CHCHD5: variants seen among roughly 807,000 people sequenced by gnomAD.
CHCHD5 encodes the protein coiled-coil-helix-coiled-coil-helix domain-containing protein 5.
A neutral mutation model predicts 16.0 loss-of-function variants in CHCHD5; 10 were observed. The ratio of observed to expected loss-of-function variants is 0.63; its 90% CI spans 0.39 to 1.06. The LOEUF is 1.06. Among genes scored for constraint, CHCHD5 ranks in the 50% least tolerant of loss-of-function variants. The pLI is 0.01. For missense variants in CHCHD5, 163 were observed against 153.4 expected (o/e 1.06, Z -0.33); for synonymous variants, 55 against 56.3 (o/e 0.98, Z 0.10).
chr2:112,587,258 C>G (rs1162269068), intron 3 of CHCHD5: 1 of 152,318 alleles, frequency 6.6e-6, no homozygotes, highest in Non-Finnish European at 1.5e-5. Flanking sequence ...TACTTACAAA[C>G]CTTTCCATGG....
chr2:112,585,837 A>T, intron 1 of CHCHD5, 137 bp from the exon 2 acceptor site: 2 of 943,092 alleles, frequency 2.1e-6, no homozygotes, highest in Non-Finnish European at 3.1e-6. Context: ...GTTGGTGGCT[A>T]CAGTGAGCTA....
intron 3 of CHCHD5, chr2:112,586,932 G>T: frequency 5.4e-6 from 1 of 186,264 alleles, no homozygotes; most frequent in Non-Finnish European, 1.1e-5. Context: ...TAAGTTTCAT[G>T]GTTGGGCAAT....
intron 3 of CHCHD5, chr2:112,586,749 C>A: frequency 1.4e-6 from 1 of 713,776 alleles, no homozygotes; most frequent in Non-Finnish European, 2.2e-6. Flanking sequence ...TTGCTGGGTT[C>A]TCTGTGTTCT....
At chr2:112,585,059 C>T (rs2104600625) in intron 1 of CHCHD5, 1 of 217,676 alleles carries the variant, frequency 4.6e-6, no homozygotes, top group Non-Finnish European at 9.4e-6. Context: ...CTGCCTGGGA[C>T]CCCAGTCCTC....
At chr2:112,584,448 C>A (rs1558671456), upstream of CHCHD5, 2 of 638,590 alleles carry the variant, frequency 3.1e-6, no homozygotes. Context: ...GAAGTGGCTA[C>A]TCAGGGCGCC....
chr2:112,586,098 C>G lies in CHCHD5; in HGVS notation c.127C>G (p.Gln43Glu). The change falls in exon 2 of 4, where the codon CAG (glutamine) becomes GAG (glutamate). Residue 43 changes from glutamine (Q) to glutamate (E), a missense_variant. Physicochemically the swap from Gln to Glu is conservative, Grantham distance 29. Transcript: ENST00000324913. ...DCHYLKMSIA[Q>E]CTSSHPIIRQ... ...TCACTACCTTAAGATGAGCATTGCC[C>G]AGTGCACATCCTCCCAGTGAGTGCG... 1 of 1,614,062 alleles carries G rather than the reference C, an allele frequency of 6.2e-7. No homozygotes were observed. The highest frequency in any genetic ancestry group is 8.5e-7 in the Non-Finnish European group (1 of 1,179,996).
Position 112,586,453 on chromosome 2 carries a change from T to C in CHCHD5, c.309+88T>C, listed in dbSNP as rs757321625. ...GTTCAGGGTAAAGACTTTGGAGTCA[T>C]CCTCAGCCCCACCCCATCACCACAC... On this transcript the variant is annotated intron_variant, in intron 3 of 3. Coordinates refer to ENST00000324913, the MANE Select transcript of CHCHD5 (RefSeq NM_032309.4). 5.7e-6 allele frequency: 9 copies of C among 1,587,200 alleles called. No individual in the cohort carries two copies. In the South Asian group the frequency reaches 9.1e-5, roughly 16 times the overall value.
upstream of CHCHD5, chr2:112,584,492 G>T: frequency 2.3e-6 from 2 of 859,296 alleles, no homozygotes; most frequent in Admixed American, 2.2e-5. Context: ...AAGAGGTAGG[G>T]CGCCGCCGTG....
rs1426876447 is a variant in CHCHD5, at chr2:112,585,873, G to A, written c.3-101G>A. On this transcript the variant is annotated intron_variant, in intron 1 of 3. Coordinates refer to ENST00000324913, the MANE Select transcript of CHCHD5 (RefSeq NM_032309.4). ...TGATCGTGCCACTGCACTCCAGCCT[G>A]GGCCACAGTGAGACCCTGTCTCTAA... The A allele has an allele frequency of 7.4e-6, 10 of 1,357,270 alleles. No homozygotes were observed. In the African/African-American group the frequency reaches 1.2e-4, roughly 16 times the overall value. The allele number at this position is 1,357,270 out of a possible 1,614,324, so 84.1% of individuals were successfully genotyped here.
chr2:112,584,744 A>G, intron 1 of CHCHD5, 95 bp downstream of exon 1: 1 of 1,442,290 alleles, frequency 6.9e-7, no homozygotes, highest in South Asian at 1.2e-5. Context: ...AACTAGGACC[A>G]GCCTCCCTCC....
In CHCHD5 at chr2:112,584,623, G is replaced by T. The variant is rs776466292; in HGVS notation, c.-25G>T. The T allele has an allele frequency of 6.2e-7, 1 of 1,611,886 alleles. No homozygotes were observed. The highest frequency in any genetic ancestry group is 8.5e-7 in the Non-Finnish European group (1 of 1,179,950). On this transcript the variant is annotated 5_prime_UTR_variant, in exon 1 of 4. Coordinates refer to ENST00000324913, the MANE Select transcript of CHCHD5 (RefSeq NM_032309.4). ...AAAGGCGGGTCGTTCCCCCCGGACA[G>T]CCCTACGCCGGCAAAGGTCTCGAGA... is the stretch of plus-strand genomic sequence containing the variant.
intron 1 of CHCHD5, chr2:112,584,961 A>AC: frequency 2.0e-6 from 1 of 497,090 alleles, no homozygotes; most frequent in Admixed American, 3.2e-5. Flanking sequence ...AGACTTATTT[A>AC]GGGACCTCTA....
chr2:112,585,840 G>T, intron 1 of CHCHD5, 134 bp from the exon 2 acceptor site: 1 of 986,286 alleles, frequency 1.0e-6, no homozygotes. Flanking sequence ...GGTGGCTACA[G>T]TGAGCTATGA....
intron 1 of CHCHD5, 27 bp downstream of exon 1, chr2:112,584,676 A>G (rs1320988947): frequency 6.2e-7 from 1 of 1,613,612 alleles, no homozygotes; most frequent in African/African-American, 1.3e-5. Context: ...CCTACCCCAT[A>G]CGTGCTGCCG....
intron 1 of CHCHD5, among the ~76,000 whole-genome samples, chr2:112,585,478 G>A (rs950091567): frequency 6.6e-6 from 1 of 152,214 alleles, no homozygotes; most frequent in East Asian, 1.9e-4. Context: ...CTCCCCAGAA[G>A]CTCCCCTCCT....
At chr2:112,585,003 T>G in intron 1 of CHCHD5, 20 of 310,880 alleles carry the variant, frequency 6.4e-5, no homozygotes, top group East Asian at 1.2e-4. Context: ...GAGCTCCAGG[T>G]TCCTCCCCCT....
chr2:112,584,451 A>G, upstream of CHCHD5: 1 of 641,458 alleles, frequency 1.6e-6, no homozygotes, highest in Non-Finnish European at 2.8e-6. Flanking sequence ...GTGGCTACTC[A>G]GGGCGCCGCC....
rs1685212291 is a variant in CHCHD5, at chr2:112,586,188, C to T, written c.144-12C>T. On this transcript the variant is annotated splice_polypyrimidine_tract_variant and intron_variant, in intron 2 of 3. Transcript: ENST00000324913. ...GGAATCTCCCAGGGGCTGAACTGCC[C>T]TACCCCCACAGCCCAATCATCCGCC... 2 of 1,609,672 alleles carry T rather than the reference C, an allele frequency of 1.2e-6. No homozygotes were observed. Among genetic ancestry groups the T allele is most frequent in the Non-Finnish European group, 1.7e-6 (2 of 1,176,332 alleles).
chr2:112,586,108 C>G lies in CHCHD5; in HGVS notation c.137C>G (p.Ser46Cys). 11 of 1,614,168 alleles carry G rather than the reference C, an allele frequency of 6.8e-6. No homozygotes were observed. Among genetic ancestry groups the G allele is most frequent in the Non-Finnish European group, 9.3e-6 (11 of 1,180,016 alleles). ...AAGATGAGCATTGCCCAGTGCACAT[C>G]CTCCCAGTGAGTGCGGGCAAGTATG... Reference protein sequence around the residue: ...YLKMSIAQCTSSHPIIRQIRQ... With the variant: ...YLKMSIAQCTCSHPIIRQIRQ... The change falls in exon 2 of 4, where the codon TCC becomes TGC. Residue 46 changes from serine (S) to cysteine (C), a missense_variant. Physicochemically the swap from Ser to Cys is moderately radical, Grantham distance 112. Transcript: ENST00000324913.
Sources: allele counts gnomAD v4.1 joint callset (sites outside exome capture counted in the v4.1 genomes callset), GRCh38; gene constraint gnomAD v4.1.1; transcripts MANE v1.5; gene names NCBI Gene and HGNC (gene_info 2026-07-23, HGNC 2026-07-21).